Variants in OXR1 observed in about 807,000 individuals in gnomAD.
The protein encoded by OXR1 is oxidation resistance 1.
In OXR1, 41 loss-of-function variants were observed where a neutral mutation model predicts 104.6. The ratio of observed to expected loss-of-function variants is 0.39; its 90% CI spans 0.31 to 0.51. The LOEUF is 0.51. Among genes scored for constraint, OXR1 ranks in the 20% least tolerant of loss-of-function variants. The pLI, the probability that OXR1 is intolerant of heterozygous loss-of-function variation, is 0.77. For missense variants in OXR1, 955 were observed against 1,031.9 expected (o/e 0.93, Z 1.02); for synonymous variants, 348 against 348.4 (o/e 1.00, Z 0.01).
chr8:106,489,749 A>T (rs1416434213), intron 2 of OXR1, among the ~76,000 whole-genome samples: 1 of 152,160 alleles, frequency 6.6e-6, no homozygotes, highest in East Asian at 1.9e-4. Context: ...TATGAAAAAT[A>T]CTTGCATTCT....
intron 3 of OXR1, among the ~76,000 whole-genome samples, chr8:106,619,389 A>G (rs943908341): frequency 2.6e-5 from 4 of 152,232 alleles, no homozygotes; most frequent in Non-Finnish European, 5.9e-5. Context: ...GTTTTTAATT[A>G]GAAATAATCT....
At chr8:106,458,409 C>G (rs1051749220) in intron 2 of OXR1, among the ~76,000 whole-genome samples, 3 of 152,168 alleles carry the variant, frequency 2.0e-5, no homozygotes, top group Non-Finnish European at 4.4e-5. Context: ...GGTGCTAATT[C>G]TACAGACATG....
intron 8 of OXR1, 23 bp from the exon 9 acceptor site, chr8:106,706,358 AT>A (rs1831145485): frequency 6.6e-7 from 1 of 1,512,166 alleles, no homozygotes; most frequent in Non-Finnish European, 8.9e-7. Flanking sequence ...AAGTCTAATT[AT>A]TTTTAATTTT....
chr8:106,671,044 C>CAAAAAAAACAAAACAAAAAAAAAAAAAA (rs1826902856), intron 3 of OXR1, among the ~76,000 whole-genome samples: 1 of 48,926 alleles, frequency 2.0e-5, no homozygotes, highest in African/African-American at 1.2e-4. Flanking sequence ...GACTCTGTCT[C>CAAAAAAAACAAAACAAAAAAAAAAAAAA]AAAAAAAAAA....
At chr8:106,683,442 A>C in intron 5 of OXR1, 136 bp downstream of exon 5, 1 of 473,422 alleles carries the variant, frequency 2.1e-6, no homozygotes, top group Admixed American at 3.6e-5. Context: ...CATATTGGCC[A>C]TGTAAGAGAA....
intron 3 of OXR1, among the ~76,000 whole-genome samples, chr8:106,590,770 G>C (rs150436367): frequency 0.029 from 4,403 of 152,228 alleles, 226 homozygotes; most frequent in African/African-American, 0.1. Context: ...AACTTGTAAA[G>C]TGGCAAGGCA....
intron 3 of OXR1, among the ~76,000 whole-genome samples, chr8:106,675,983 A>G (rs1255368580): frequency 6.6e-6 from 1 of 152,022 alleles, no homozygotes; most frequent in African/African-American, 2.4e-5. Flanking sequence ...TGTTGTGTGC[A>G]TATATATATC....
intron 1 of OXR1, among the ~76,000 whole-genome samples, chr8:106,323,027 A>G (rs552557349): frequency 6.6e-6 from 1 of 152,176 alleles, no homozygotes; most frequent in South Asian, 2.1e-4. Context: ...GAGAACTAGA[A>G]AAAAAAAGAC....
chr8:106,693,668 T>A (rs1251016426), intron 7 of OXR1, among the ~76,000 whole-genome samples: 2 of 152,064 alleles, frequency 1.3e-5, no homozygotes, highest in Admixed American at 1.3e-4. Context: ...TAACCTCAGG[T>A]GATCCACTTG....
At chr8:106,585,429 A>G (rs1234131029) in intron 3 of OXR1, among the ~76,000 whole-genome samples, 1 of 152,092 alleles carries the variant, frequency 6.6e-6, no homozygotes, top group East Asian at 1.9e-4. Context: ...TTGTATATCC[A>G]TTACCCAGAT....
chr8:106,326,590 A>G (rs571801701), intron 1 of OXR1, among the ~76,000 whole-genome samples: 2 of 152,336 alleles, frequency 1.3e-5, no homozygotes, highest in East Asian at 1.9e-4. Flanking sequence ...TTTTAAATAC[A>G]GTTGTCAAGG....
intron 2 of OXR1, among the ~76,000 whole-genome samples, chr8:106,371,856 A>G (rs1816720613): frequency 6.6e-6 from 1 of 152,192 alleles, no homozygotes; most frequent in Non-Finnish European, 1.5e-5. Context: ...GGCTGTGGGG[A>G]CAAGTCTTGA....
chr8:106,592,359 G>A (rs7812810), intron 3 of OXR1, among the ~76,000 whole-genome samples: 25,007 of 152,138 alleles, frequency 0.16, 2,250 homozygotes, highest in East Asian at 0.37. Flanking sequence ...AGTACTAGGA[G>A]AACATGGAAT....
At chr8:106,748,976 A>G (rs1401671316) in intron 16 of OXR1, among the ~76,000 whole-genome samples, 1 of 152,128 alleles carries the variant, frequency 6.6e-6, no homozygotes, top group East Asian at 1.9e-4. Context: ...TACATTATAT[A>G]TTTGATGCTG....
chr8:106,410,590 C>A (rs1465499151), intron 2 of OXR1, among the ~76,000 whole-genome samples: 1 of 152,054 alleles, frequency 6.6e-6, no homozygotes, highest in East Asian at 1.9e-4. Context: ...GATGCTGAGC[C>A]AAGTGAGGAT....
chr8:106,432,351 T>C (rs951549476), intron 2 of OXR1, among the ~76,000 whole-genome samples: 5 of 152,286 alleles, frequency 3.3e-5, no homozygotes, highest in African/African-American at 1.2e-4. Context: ...ATCCTTGCCA[T>C]GTTCAAGGCC....
chr8:106,438,409 A>G (rs1486023214), intron 2 of OXR1, among the ~76,000 whole-genome samples: 1 of 152,170 alleles, frequency 6.6e-6, no homozygotes, highest in East Asian at 1.9e-4. Context: ...AAAATATCTC[A>G]ATCATTTCTA....
chr8:106,732,378 A>T (rs1324212382), intron 11 of OXR1, among the ~76,000 whole-genome samples: 1 of 152,106 alleles, frequency 6.6e-6, no homozygotes, highest in Non-Finnish European at 1.5e-5. Context: ...AATTTAATTT[A>T]TATAACTTTG....
intron 16 of OXR1, 61 bp downstream of exon 16, chr8:106,745,923 T>A (rs1835358602): frequency 2.3e-6 from 2 of 881,730 alleles, no homozygotes; most frequent in Non-Finnish European, 3.7e-6. Context: ...GCATTTGGAT[T>A]ATTTATAAAT....
Sources: allele counts gnomAD v4.1 joint callset (sites outside exome capture counted in the v4.1 genomes callset), GRCh38; gene constraint gnomAD v4.1.1; transcripts MANE v1.5; gene names NCBI Gene and HGNC (gene_info 2026-07-23, HGNC 2026-07-21).